The following PTPRK variants were observed in gnomAD, a reference collection of about 807,000 sequenced individuals.
PTPRK encodes the protein receptor-type tyrosine-protein phosphatase kappa.
In PTPRK, 75 loss-of-function variants were observed where a neutral mutation model predicts 178.0. The ratio of observed to expected loss-of-function variants is 0.42; its 90% confidence interval spans 0.35 to 0.51. The LOEUF (loss-of-function observed/expected upper bound fraction) is 0.51, where lower values mean the gene tolerates loss of function less well. Ranked by LOEUF, PTPRK falls within the 20% of genes least tolerant of loss-of-function variation. The pLI is 0.02. For synonymous variants in PTPRK, 637 were observed against 620.6 expected (o/e 1.03, Z -0.39); for missense variants, 1,441 against 1,797.8 (o/e 0.80, Z 3.59).
intron 1 of PTPRK, among the ~76,000 whole-genome samples, chr6:128,446,421 A>C (rs1302296170): frequency 6.6e-6 from 1 of 152,252 alleles, no homozygotes; most frequent in African/African-American, 2.4e-5. Context: ...CGCTTTCCAC[A>C]GAAACACCAA....
At chr6:128,157,166 C>T (rs1484406316) in intron 7 of PTPRK, among the ~76,000 whole-genome samples, 1 of 152,010 alleles carries the variant, frequency 6.6e-6, no homozygotes, top group Non-Finnish European at 1.5e-5. Context: ...TGTCTGATCA[C>T]AGGAAGTTGT....
At chr6:128,295,247 T>G (rs1824109940) in intron 3 of PTPRK, among the ~76,000 whole-genome samples, 1 of 152,032 alleles carries the variant, frequency 6.6e-6, no homozygotes, top group Non-Finnish European at 1.5e-5. Flanking sequence ...TCCAACCACT[T>G]AAAAGTGTAA....
chr6:128,139,336 G>C lies in PTPRK; in HGVS notation c.1162+45096C>G, dbSNP rs187664671. ...CAATAGTCCATCTGTGAAGTGATGAGAGCCCGATAGGTAAAAGCTATCTCA... is the reference window on the plus strand; with the variant it reads ...CAATAGTCCATCTGTGAAGTGATGACAGCCCGATAGGTAAAAGCTATCTCA... On this transcript the variant is annotated intron_variant, in intron 7 of 29. Transcript: ENST00000368226. 3.7e-3 allele frequency among the ~76,000 whole-genome samples: 562 copies of C among 152,030 alleles called. 2 individuals are homozygous for C. The highest frequency in any genetic ancestry group is 5.4e-3 in the Non-Finnish European group (364 of 67,898).
Position 128,398,817 on chromosome 6 carries a change from T to G in PTPRK, c.101-1129A>C, listed in dbSNP as rs565273167. ...CCCACTTTATTTAATAACTTGGTCTTTTTAAACGGGGGTAGCATTCCCCAT... is the reference window on the plus strand; with the variant it reads ...CCCACTTTATTTAATAACTTGGTCTGTTTAAACGGGGGTAGCATTCCCCAT... On this transcript the variant is annotated intron_variant, in intron 1 of 29. Transcript: ENST00000368226. Among the ~76,000 whole-genome samples the G allele has an allele frequency of 2.6e-5, 4 of 152,328 alleles. No homozygotes were observed. The East Asian group carries it at 7.7e-4, about 29-fold the overall frequency.
At chr6:128,121,523 C>G (rs541503345) in intron 7 of PTPRK, among the ~76,000 whole-genome samples, 1 of 151,956 alleles carries the variant, frequency 6.6e-6, no homozygotes, top group South Asian at 2.1e-4. Context: ...ATATTTTATC[C>G]TCATTCTAGT....
At chr6:128,430,163 TAAGA>T (rs1420475717) in intron 1 of PTPRK, among the ~76,000 whole-genome samples, 4 of 151,914 alleles carry the variant, frequency 2.6e-5, no homozygotes, top group Non-Finnish European at 5.9e-5. Context: ...AGCAATGAGT[TAAGA>T]AAGAAACGGC....
rs151189752 is a variant in PTPRK, at chr6:128,233,184, T to C, written c.693+6851A>G. ...TGCCAAATGGCAATATAAATAAGCA[T>C]AGAAAAATGCTATAGCATGGGGTCA... On this transcript the variant is annotated intron_variant, in intron 5 of 29. Coordinates refer to ENST00000368226, the MANE Select transcript of PTPRK (RefSeq NM_002844.4). Among the ~76,000 whole-genome samples, 24 of 152,288 alleles carry C rather than the reference T, an allele frequency of 1.6e-4. No individual in the cohort carries two copies. The East Asian group carries it at 4.6e-3, about 29-fold the overall frequency.
At chr6:128,317,021 T>C (rs1387848445) in intron 3 of PTPRK, among the ~76,000 whole-genome samples, 1 of 152,172 alleles carries the variant, frequency 6.6e-6, no homozygotes, top group Non-Finnish European at 1.5e-5. Context: ...GTTAATAGCC[T>C]ATCAAATAAA....
intron 1 of PTPRK, among the ~76,000 whole-genome samples, chr6:128,434,227 T>C (rs1443321718): frequency 1.3e-5 from 2 of 152,150 alleles, no homozygotes; most frequent in East Asian, 3.9e-4. Flanking sequence ...ATGAGGCAGG[T>C]AGATATACAA....
At chr6:128,470,749 CTTT>C (rs11361160) in intron 1 of PTPRK, among the ~76,000 whole-genome samples, 13 of 114,192 alleles carry the variant, frequency 1.1e-4, no homozygotes, top group East Asian at 2.5e-4. Flanking sequence ...ATATCTCTCT[CTTT>C]TTTTTTTTTT....
intron 7 of PTPRK, among the ~76,000 whole-genome samples, chr6:128,177,518 T>C (rs1286337703): frequency 2.0e-5 from 3 of 151,836 alleles, no homozygotes; most frequent in Admixed American, 6.6e-5. Flanking sequence ...TACAGTGTCA[T>C]TAACACTGGT....
intron 7 of PTPRK, among the ~76,000 whole-genome samples, chr6:128,099,641 G>T (rs1486200357): frequency 2.0e-5 from 3 of 152,022 alleles, no homozygotes; most frequent in Admixed American, 2.0e-4. Flanking sequence ...AAGTCAGCAT[G>T]ACTATTGATA....
At chr6:128,176,199 G>A (rs751331844) in intron 7 of PTPRK, among the ~76,000 whole-genome samples, 4 of 151,856 alleles carry the variant, frequency 2.6e-5, no homozygotes, top group Non-Finnish European at 5.9e-5. Flanking sequence ...TTAGCAAAAG[G>A]TATTATAGGT....
chr6:128,200,876 GGAA>G (rs1326607582), intron 6 of PTPRK, among the ~76,000 whole-genome samples: 9 of 113,612 alleles, frequency 7.9e-5, no homozygotes, highest in African/African-American at 2.7e-4. Context: ...AGGGTGAGGA[GGAA>G]GAAGGGAGGG....
intron 3 of PTPRK, among the ~76,000 whole-genome samples, chr6:128,247,179 T>C (rs1233648546): frequency 2.0e-5 from 3 of 152,172 alleles, no homozygotes; most frequent in Non-Finnish European, 4.4e-5. Context: ...TGTGAAATGA[T>C]TAATTAATAT....
intron 1 of PTPRK, among the ~76,000 whole-genome samples, chr6:128,452,157 A>T (rs1350889124): frequency 6.6e-6 from 1 of 152,156 alleles, no homozygotes; most frequent in Non-Finnish European, 1.5e-5. Context: ...AATGCTTCTT[A>T]CAGTTCTAGT....
At chr6:128,332,392 C>T (rs183755528) in intron 2 of PTPRK, among the ~76,000 whole-genome samples, 1 of 152,184 alleles carries the variant, frequency 6.6e-6, no homozygotes, top group Non-Finnish European at 1.5e-5. Context: ...TTATCCTGGG[C>T]AAATAATTTA....
chr6:128,107,914 T>C (rs1302409937), intron 7 of PTPRK, among the ~76,000 whole-genome samples: 2 of 152,170 alleles, frequency 1.3e-5, no homozygotes, highest in African/African-American at 2.4e-5. Flanking sequence ...GAGAGGCCTC[T>C]ATTTTCTCCT....
At chr6:128,024,003 C>G (rs1407583796) in intron 13 of PTPRK, among the ~76,000 whole-genome samples, 2 of 152,058 alleles carry the variant, frequency 1.3e-5, no homozygotes, top group African/African-American at 4.8e-5. Flanking sequence ...AGAGACATCT[C>G]TAGGGCAATC....
Sources: allele counts gnomAD v4.1 joint callset (sites outside exome capture counted in the v4.1 genomes callset), GRCh38; gene constraint gnomAD v4.1.1; transcripts MANE v1.5; gene names NCBI Gene and HGNC (gene_info 2026-07-23, HGNC 2026-07-21).